ZBTB7C: variants seen among roughly 807,000 people sequenced by gnomAD.
The protein encoded by ZBTB7C is zinc finger and BTB domain-containing protein 7C.
A neutral mutation model predicts 25.7 loss-of-function variants in ZBTB7C; 8 were observed. The ratio of observed to expected loss-of-function variants is 0.31; its 90% CI spans 0.18 to 0.56. The LOEUF is 0.56. ZBTB7C is among the 20% of genes least tolerant of loss of function. ZBTB7C has a pLI of 0.91. For missense variants in ZBTB7C, 824 were observed against 855.2 expected, an observed-to-expected ratio of 0.96 and a Z score of 0.46; for synonymous variants, 394 against 369.0, an observed-to-expected ratio of 1.07 and a Z score of -0.78.
rs187384231 is a variant in ZBTB7C, at chr18:48,206,205, C to T, written c.-78-20210G>A. ...TATCAAAACTTCTACTGTAAAGCTA[C>T]AGTAGTAAGCAGAGTGGTATGGTGT... On this transcript the variant is annotated intron_variant, in intron 2 of 4. Transcript: ENST00000590800. Among the ~76,000 whole-genome samples, 214 of 152,244 alleles carry T rather than the reference C, an allele frequency of 1.4e-3. 1 individual carries two copies. Among genetic ancestry groups the T allele is most frequent in the Non-Finnish European group, 4.9e-4 (33 of 68,024 alleles).
At chr18:48,405,015 C>T (rs559836742) in intron 1 of ZBTB7C, among the ~76,000 whole-genome samples, 2 of 152,192 alleles carry the variant, frequency 1.3e-5, no homozygotes, top group Non-Finnish European at 2.9e-5. Context: ...CTGCTGTGAG[C>T]CCCTGAGACA....
chr18:48,279,884 A>C (rs893950878), intron 2 of ZBTB7C, among the ~76,000 whole-genome samples: 16 of 152,252 alleles, frequency 1.1e-4, no homozygotes, highest in South Asian at 2.1e-4. Flanking sequence ...GGGATGAAGG[A>C]AATCACAACG....
At chr18:48,067,404 C>G (rs2037372746) in intron 3 of ZBTB7C, among the ~76,000 whole-genome samples, 1 of 152,156 alleles carries the variant, frequency 6.6e-6, no homozygotes, top group South Asian at 2.1e-4. Context: ...GTCAACTTGG[C>G]TAGGCCATGG....
chr18:48,173,144 A>G (rs2041548716), intron 3 of ZBTB7C, among the ~76,000 whole-genome samples: 1 of 152,184 alleles, frequency 6.6e-6, no homozygotes, highest in African/African-American at 2.4e-5. Flanking sequence ...CTAATTTTCT[A>G]TTCCTACATT....
intron 3 of ZBTB7C, among the ~76,000 whole-genome samples, chr18:48,093,353 GC>G (rs2144565087): frequency 6.6e-6 from 1 of 152,364 alleles, no homozygotes; most frequent in East Asian, 1.9e-4. Context: ...TGGCAGGGCA[GC>G]CCCCAACATG....
chr18:48,247,312 T>TA (rs1305738591), intron 2 of ZBTB7C, among the ~76,000 whole-genome samples: 1 of 152,114 alleles, frequency 6.6e-6, no homozygotes, highest in Non-Finnish European at 1.5e-5. Context: ...GGAAAGTTTT[T>TA]AAAAACAACG....
intron 2 of ZBTB7C, among the ~76,000 whole-genome samples, chr18:48,208,403 G>T (rs2042628133): frequency 6.6e-6 from 1 of 151,940 alleles, no homozygotes; most frequent in Admixed American, 6.6e-5. Context: ...AGTGCTGGCT[G>T]TTCTAGAAGA....
chr18:48,236,062 T>G (rs917902176), intron 2 of ZBTB7C, among the ~76,000 whole-genome samples: 3 of 152,250 alleles, frequency 2.0e-5, no homozygotes, highest in African/African-American at 7.2e-5. Flanking sequence ...AGACATGTGT[T>G]AGACCTTCCT....
intron 3 of ZBTB7C, chr18:48,077,124 C>A: frequency 2.2e-6 from 1 of 445,398 alleles, no homozygotes; most frequent in Non-Finnish European, 2.9e-6. Flanking sequence ...AAAGGCAATA[C>A]AGGCTCTCTT....
intron 2 of ZBTB7C, among the ~76,000 whole-genome samples, chr18:48,264,499 T>C (rs1300112179): frequency 6.6e-6 from 1 of 152,158 alleles, no homozygotes; most frequent in Non-Finnish European, 1.5e-5. Context: ...TTCTGGGGTC[T>C]TCTGAGAGGC....
chr18:48,243,108 T>C (rs1255420336), intron 2 of ZBTB7C, among the ~76,000 whole-genome samples: 1 of 151,622 alleles, frequency 6.6e-6, no homozygotes, highest in Non-Finnish European at 1.5e-5. Context: ...ACTAAAAATG[T>C]AAAAAATTAG....
chr18:48,130,772 T>C lies in ZBTB7C; in HGVS notation c.-17+55162A>G, dbSNP rs147263790. 5.3e-5 allele frequency among the ~76,000 whole-genome samples: 8 copies of C among 152,344 alleles called. No individual in the cohort carries two copies. In the East Asian group the frequency reaches 1.5e-3, roughly 29 times the overall value. ...CAACTCCCCATTTCAAGTCAGGAAATTGAGGCAAAGAGAGGTTAAAAAGTG... is the reference window on the plus strand; with the variant it reads ...CAACTCCCCATTTCAAGTCAGGAAACTGAGGCAAAGAGAGGTTAAAAAGTG... On this transcript the variant is annotated intron_variant, in intron 3 of 4. Transcript: ENST00000590800.
chr18:48,039,219 G>T (rs1334928974), intron 4 of ZBTB7C, among the ~76,000 whole-genome samples: 1 of 152,132 alleles, frequency 6.6e-6, no homozygotes, highest in Non-Finnish European at 1.5e-5. Flanking sequence ...ATAAAAAGAG[G>T]CCCAGCCTTT....
chr18:48,280,496 C>A lies in ZBTB7C; in HGVS notation c.-79+57678G>T, dbSNP rs577646470. ...TCCTGGCCTGGCTTCTCAAGCCCTA[C>A]ACAATCTGCCCCAACCCGTATCAAC... On this transcript the variant is annotated intron_variant, in intron 2 of 4. Coordinates refer to ENST00000590800, the MANE Select transcript of ZBTB7C (RefSeq NM_001318841.2). Among the ~76,000 whole-genome samples, 6 of 152,266 alleles carry A rather than the reference C, an allele frequency of 3.9e-5. No homozygotes were observed. In the East Asian group the frequency reaches 1.2e-3, roughly 29 times the overall value.
intron 3 of ZBTB7C, among the ~76,000 whole-genome samples, chr18:48,082,738 G>C (rs1056428113): frequency 5.9e-5 from 9 of 152,242 alleles, no homozygotes; most frequent in Admixed American, 5.2e-4. Context: ...TGACCTTGCT[G>C]GGTGGGTATG....
intron 3 of ZBTB7C, among the ~76,000 whole-genome samples, chr18:48,113,677 C>T (rs1170877834): frequency 2.0e-5 from 3 of 148,858 alleles, no homozygotes; most frequent in African/African-American, 7.9e-5. Context: ...ACGATGAACT[C>T]ATTTTATCCT....
At chr18:48,087,247 G>A (rs2038226411) in intron 3 of ZBTB7C, among the ~76,000 whole-genome samples, 1 of 152,224 alleles carries the variant, frequency 6.6e-6, no homozygotes, top group African/African-American at 2.4e-5. Flanking sequence ...ATGAACAAAG[G>A]CAAGAGGCAG....
At chr18:48,202,353 A>G (rs2042471491) in intron 2 of ZBTB7C, among the ~76,000 whole-genome samples, 1 of 151,956 alleles carries the variant, frequency 6.6e-6, no homozygotes, top group Admixed American at 6.6e-5. Context: ...GAGGGATTAG[A>G]GATGGAACTC....
At chr18:48,209,681 AG>A (rs1283335073) in intron 2 of ZBTB7C, among the ~76,000 whole-genome samples, 4 of 152,118 alleles carry the variant, frequency 2.6e-5, no homozygotes, top group African/African-American at 9.7e-5. Flanking sequence ...GCTTGAACCC[AG>A]GAGGTCAAGG....
Sources: gnomAD v4.1 joint callset for allele counts (sites outside exome capture counted in the v4.1 genomes callset) on GRCh38, gnomAD v4.1.1 for gene constraint, MANE v1.5 for transcripts, NCBI Gene and HGNC (gene_info 2026-07-23, HGNC 2026-07-21) for gene names.